Variants in PAPPA observed in about 807,000 individuals in gnomAD.
PAPPA encodes pappalysin-1.
Under a neutral mutation model 164.0 loss-of-function variants are expected in PAPPA, and 60 were observed. The observed-to-expected ratio is 0.37, with a 90% CI of 0.30 to 0.45. PAPPA has a LOEUF of 0.45. Among genes scored for constraint, PAPPA ranks in the 20% least tolerant of loss-of-function variants. PAPPA has a pLI of 1.00. For missense variants in PAPPA, 1,782 were observed against 2,087.3 expected (o/e 0.85, Z 2.85); for synonymous variants, 875 against 814.1 (o/e 1.07, Z -1.27).
At chr9:116,359,972 G>C (rs1472133870) in intron 17 of PAPPA, among the ~76,000 whole-genome samples, 1 of 152,218 alleles carries the variant, frequency 6.6e-6, no homozygotes, top group Non-Finnish European at 1.5e-5. Context: ...GCAGGAGAGA[G>C]ATAAACCAAT....
At chr9:116,195,422 TAGA>T (rs1277548448) in intron 2 of PAPPA, among the ~76,000 whole-genome samples, 2 of 152,156 alleles carry the variant, frequency 1.3e-5, no homozygotes, top group Non-Finnish European at 2.9e-5. Flanking sequence ...TGAGGAACAG[TAGA>T]AGATCAATAC....
intron 17 of PAPPA, among the ~76,000 whole-genome samples, chr9:116,357,282 T>C (rs962263256): frequency 2.0e-5 from 3 of 152,260 alleles, no homozygotes; most frequent in African/African-American, 7.2e-5. Flanking sequence ...TGAAGGCAAA[T>C]AGCCATACTT....
intron 1 of PAPPA, among the ~76,000 whole-genome samples, chr9:116,186,065 G>A (rs1216280463): frequency 6.6e-6 from 1 of 152,046 alleles, no homozygotes; most frequent in African/African-American, 2.4e-5. Context: ...CACCACCTTA[G>A]GGATATTACA....
At chr9:116,341,814 T>C (rs1846141806) in intron 13 of PAPPA, among the ~76,000 whole-genome samples, 2 of 152,186 alleles carry the variant, frequency 1.3e-5, no homozygotes, top group African/African-American at 4.8e-5. Flanking sequence ...AAGAAACAAA[T>C]TATTTTATTA....
At chr9:116,203,985 A>C (rs192121287) in intron 2 of PAPPA, among the ~76,000 whole-genome samples, 1 of 152,302 alleles carries the variant, frequency 6.6e-6, no homozygotes, top group African/African-American at 2.4e-5. Flanking sequence ...GGTAATGAGG[A>C]AGAGACACTG....
At chr9:116,299,176 G>T (rs549963821) in intron 9 of PAPPA, among the ~76,000 whole-genome samples, 27 of 152,238 alleles carry the variant, frequency 1.8e-4, no homozygotes, top group African/African-American at 6.5e-4. Context: ...TTTAAAAAGA[G>T]ACTCACAATA....
In PAPPA at chr9:116,188,124, C is replaced by T. The variant is rs548115666; in HGVS notation, c.1386C>T (p.Asn462=). 4.3e-6 allele frequency: 7 copies of T among 1,614,234 alleles called. No individual in the cohort carries two copies. The highest frequency in any genetic ancestry group is 2.2e-5 in the South Asian group (2 of 91,088). ...QHNGVCDMDC[N]YERFNFDGGE... ...ACGGGGTGTGTGACATGGACTGCAACTATGAACGGTTCAACTTTGATGGTG... is the reference window on the plus strand; with the variant it reads ...ACGGGGTGTGTGACATGGACTGCAATTATGAACGGTTCAACTTTGATGGTG... Residue 462 remains asparagine, a synonymous_variant, in exon 2 of 22, where the codon AAC becomes AAT. Transcript: ENST00000328252.
chr9:116,269,668 C>T (rs979386759), intron 8 of PAPPA, among the ~76,000 whole-genome samples: 10 of 152,054 alleles, frequency 6.6e-5, no homozygotes, highest in African/African-American at 2.2e-4. Flanking sequence ...TGTAGTGACC[C>T]GAATATTTTG....
At chr9:116,179,588 C>T (rs372885330) in intron 1 of PAPPA, among the ~76,000 whole-genome samples, 9 of 152,172 alleles carry the variant, frequency 5.9e-5, no homozygotes, top group African/African-American at 9.7e-5. Flanking sequence ...GGGGTGGACC[C>T]GGAGGGATGA....
rs1845599020 is a variant in PAPPA at position 116,303,015 on chromosome 9, G to T, written c.3147+65G>T. 4.3e-6 allele frequency: 6 copies of T among 1,395,320 alleles called. No homozygotes were observed. In the South Asian group the frequency reaches 5.0e-5, roughly 12 times the overall value. The allele number at this position is 1,395,320 out of a possible 1,614,324, so 86.4% of individuals were successfully genotyped here. On this transcript the variant is annotated intron_variant, in intron 10 of 21. Transcript: ENST00000328252. ...CAAAGTCTCCGCTATGCCCCACAAG[G>T]CTACTCACCTCTAAGGCAGTGTCAT...
intron 19 of PAPPA, among the ~76,000 whole-genome samples, chr9:116,374,335 T>C (rs924487312): frequency 6.6e-6 from 1 of 152,160 alleles, no homozygotes; most frequent in Non-Finnish European, 1.5e-5. Flanking sequence ...GAAAAAGCTC[T>C]GGCTGGGCTA....
intron 10 of PAPPA, among the ~76,000 whole-genome samples, chr9:116,303,779 A>T (rs141601300): frequency 1.3e-5 from 2 of 152,310 alleles, no homozygotes; most frequent in African/African-American, 4.8e-5. Context: ...ATTTAGGTTT[A>T]GTCGGGTAGC....
intron 9 of PAPPA, among the ~76,000 whole-genome samples, chr9:116,274,257 T>C (rs1356883102): frequency 1.3e-5 from 2 of 152,190 alleles, no homozygotes; most frequent in African/African-American, 4.8e-5. Context: ...GGAATTTGTA[T>C]TACAGGAAAG....
intron 5 of PAPPA, among the ~76,000 whole-genome samples, chr9:116,222,093 A>G (rs1042343688): frequency 1.3e-5 from 2 of 152,206 alleles, no homozygotes; most frequent in African/African-American, 4.8e-5. Context: ...TAGAACTGCC[A>G]TATAATCCAG....
chr9:116,354,474 G>A (rs1346827997), intron 17 of PAPPA, among the ~76,000 whole-genome samples: 1 of 152,174 alleles, frequency 6.6e-6, no homozygotes, highest in African/African-American at 2.4e-5. Context: ...GTGTTTCACA[G>A]GTGTGCAAGG....
chr9:116,164,607 G>A (rs1843700848), intron 1 of PAPPA, among the ~76,000 whole-genome samples: 1 of 152,208 alleles, frequency 6.6e-6, no homozygotes, highest in Non-Finnish European at 1.5e-5. Context: ...TAGGAAGCCA[G>A]TGGTCCAACC....
intron 1 of PAPPA, among the ~76,000 whole-genome samples, chr9:116,163,481 T>C: frequency 6.6e-6 from 1 of 152,154 alleles, no homozygotes; most frequent in East Asian, 1.9e-4. Flanking sequence ...CTGTGTGACT[T>C]TAGGCAAGTC....
At chr9:116,324,611 A>T (rs1185327242) in intron 10 of PAPPA, among the ~76,000 whole-genome samples, 1 of 152,248 alleles carries the variant, frequency 6.6e-6, no homozygotes, top group African/African-American at 2.4e-5. Flanking sequence ...GGTATAAATA[A>T]GGAACTATAC....
At chr9:116,162,024 A>C (rs1843670052) in intron 1 of PAPPA, among the ~76,000 whole-genome samples, 1 of 152,150 alleles carries the variant, frequency 6.6e-6, no homozygotes, top group South Asian at 2.1e-4. Context: ...GACACAGCCC[A>C]GGCTTCAGAT....
Sources: allele counts gnomAD v4.1 joint callset (sites outside exome capture counted in the v4.1 genomes callset), GRCh38; gene constraint gnomAD v4.1.1; transcripts MANE v1.5; gene names NCBI Gene and HGNC (gene_info 2026-07-23, HGNC 2026-07-21).